The following FAM107B variants were observed in gnomAD, a reference collection of about 807,000 sequenced individuals.
FAM107B encodes the protein family with sequence similarity 107 member B.
In FAM107B, 21 loss-of-function variants were observed where a neutral mutation model predicts 31.5. The observed-to-expected ratio is 0.67, with a 90% CI of 0.47 to 0.96. The LOEUF (loss-of-function observed/expected upper bound fraction) is 0.96. Among genes scored for constraint, FAM107B ranks in the 40% least tolerant of loss-of-function variants. The pLI, the probability that FAM107B is intolerant of heterozygous loss-of-function variation, is 0.00. For synonymous variants in FAM107B, 157 were observed against 141.5 expected (o/e 1.11, Z -0.78); for missense variants, 452 against 377.1 (o/e 1.20, Z -1.64).
At chr10:14,712,004 T>C (rs1012587983) in intron 1 of FAM107B, among the ~76,000 whole-genome samples, 2 of 152,318 alleles carry the variant, frequency 1.3e-5, no homozygotes, top group Middle Eastern at 3.4e-3. Flanking sequence ...GTGCTACATG[T>C]GGGTTTCCCT....
chr10:14,609,077 T>G (rs1035250918), intron 2 of FAM107B, among the ~76,000 whole-genome samples: 3 of 152,204 alleles, frequency 2.0e-5, no homozygotes, highest in Admixed American at 6.5e-5. Context: ...AATAGTTAAT[T>G]TCTGCTTATT....
intron 2 of FAM107B, 36 bp from the exon 3 acceptor site, chr10:14,530,551 T>G: frequency 6.2e-7 from 1 of 1,602,338 alleles, no homozygotes; most frequent in Non-Finnish European, 8.5e-7. Flanking sequence ...CATTTGCAGT[T>G]TTTGCTAAGG....
chr10:14,619,900 A>T (rs1852960640), intron 2 of FAM107B, among the ~76,000 whole-genome samples: 1 of 151,098 alleles, frequency 6.6e-6, no homozygotes, highest in Admixed American at 6.6e-5. Context: ...TAGTATACAG[A>T]TGTTCCATTG....
chr10:14,536,019 G>A (rs1201331300), intron 2 of FAM107B, among the ~76,000 whole-genome samples: 3 of 152,132 alleles, frequency 2.0e-5, no homozygotes, highest in Non-Finnish European at 4.4e-5. Flanking sequence ...CCATTCCCTC[G>A]GAAAACTTTC....
intron 1 of FAM107B, among the ~76,000 whole-genome samples, chr10:14,744,853 T>C (rs1038899371): frequency 2.6e-5 from 4 of 152,210 alleles, no homozygotes; most frequent in Non-Finnish European, 4.4e-5. Context: ...CTCCTCTTTG[T>C]ACCTCTGGTA....
intron 2 of FAM107B, among the ~76,000 whole-genome samples, chr10:14,586,264 A>G (rs1253248861): frequency 6.6e-6 from 1 of 152,012 alleles, no homozygotes; most frequent in African/African-American, 2.4e-5. Context: ...TCTTCAGAAC[A>G]CTGCTTTGCT....
At chr10:14,545,779 C>T (rs1472107610) in intron 2 of FAM107B, among the ~76,000 whole-genome samples, 1 of 152,188 alleles carries the variant, frequency 6.6e-6, no homozygotes, top group Non-Finnish European at 1.5e-5. Context: ...AAAGTTATCA[C>T]ACTTAATTCC....
chr10:14,724,957 G>T (rs1192403195), intron 1 of FAM107B, among the ~76,000 whole-genome samples: 1 of 152,170 alleles, frequency 6.6e-6, no homozygotes, highest in Non-Finnish European at 1.5e-5. Flanking sequence ...CATCCACAAG[G>T]CTCCCATAAC....
intron 1 of FAM107B, among the ~76,000 whole-genome samples, chr10:14,709,704 C>T (rs1035991998): frequency 3.9e-5 from 6 of 152,188 alleles, no homozygotes; most frequent in African/African-American, 1.2e-4. Context: ...GCAAAACAAA[C>T]TGTGGTACAT....
chr10:14,574,306 AT>A (rs1247705730), intron 2 of FAM107B, among the ~76,000 whole-genome samples: 4 of 152,234 alleles, frequency 2.6e-5, no homozygotes, highest in Admixed American at 2.6e-4. Context: ...CACGGTGGAT[AT>A]AATCTATCCA....
intron 1 of FAM107B, among the ~76,000 whole-genome samples, chr10:14,729,647 T>C (rs2131558648): frequency 6.6e-6 from 1 of 152,172 alleles, no homozygotes; most frequent in East Asian, 1.9e-4. Context: ...TAAAAATCTC[T>C]GAGGTGGAAA....
chr10:14,628,393 C>T (rs1227512661), intron 2 of FAM107B, among the ~76,000 whole-genome samples: 1 of 152,138 alleles, frequency 6.6e-6, no homozygotes, highest in Non-Finnish European at 1.5e-5. Context: ...GTTGGGATTA[C>T]AGGCGTGAGC....
chr10:14,604,195 G>A (rs1317440574), intron 2 of FAM107B: 2 of 978,188 alleles, frequency 2.0e-6, no homozygotes, highest in Non-Finnish European at 2.4e-6. Flanking sequence ...GCCTCCCCGC[G>A]CCCCTCGTCT....
chr10:14,750,854 T>G (rs1053259816), intron 1 of FAM107B, among the ~76,000 whole-genome samples: 2 of 152,018 alleles, frequency 1.3e-5, no homozygotes, highest in African/African-American at 2.4e-5. Context: ...GGTGGCTTCT[T>G]GGAGAGGGAT....
At chr10:14,690,312 G>A (rs1855101006) in intron 1 of FAM107B, among the ~76,000 whole-genome samples, 1 of 152,138 alleles carries the variant, frequency 6.6e-6, no homozygotes, top group Non-Finnish European at 1.5e-5. Flanking sequence ...CCTATGAAAG[G>A]CTCTGCCTCT....
chr10:14,576,829 G>A (rs1851480908), intron 2 of FAM107B, among the ~76,000 whole-genome samples: 1 of 152,164 alleles, frequency 6.6e-6, no homozygotes, highest in Non-Finnish European at 1.5e-5. Context: ...TGAAAACCTA[G>A]TTAAGAACAG....
chr10:14,528,552 G>T (rs964794006), intron 3 of FAM107B, among the ~76,000 whole-genome samples: 1 of 152,096 alleles, frequency 6.6e-6, no homozygotes, highest in Non-Finnish European at 1.5e-5. Flanking sequence ...CTCAAGAGGG[G>T]ATACCTTGGC....
intron 2 of FAM107B, among the ~76,000 whole-genome samples, chr10:14,539,042 C>G (rs997168629): frequency 6.6e-6 from 1 of 152,226 alleles, no homozygotes; most frequent in Non-Finnish European, 1.5e-5. Context: ...GGCAGATGCT[C>G]AACAAAGTAG....
intron 1 of FAM107B, among the ~76,000 whole-genome samples, chr10:14,737,643 AAAGC>A (rs1345257837): frequency 1.4e-5 from 2 of 147,384 alleles, no homozygotes; most frequent in African/African-American, 5.2e-5. Context: ...AACAAACAAA[AAAGC>A]AAGCATTTTA....
Sources: gnomAD v4.1 joint callset for allele counts (sites outside exome capture counted in the v4.1 genomes callset) on GRCh38, gnomAD v4.1.1 for gene constraint, MANE v1.5 for transcripts, NCBI Gene and HGNC (gene_info 2026-07-23, HGNC 2026-07-21) for gene names.